Variants in LRBA observed in about 807,000 individuals in gnomAD.
LRBA encodes LPS responsive beige-like anchor protein, also known as lipopolysaccharide-responsive and beige-like anchor protein.
In LRBA, 176 loss-of-function variants were observed where a neutral mutation model predicts 330.0. The ratio of observed to expected loss-of-function variants is 0.53; its 90% confidence interval spans 0.47 to 0.60. The LOEUF (loss-of-function observed/expected upper bound fraction) is 0.60, where lower values mean the gene tolerates loss of function less well. Ranked by LOEUF, LRBA falls within the 20% of genes least tolerant of loss-of-function variation. The pLI is 0.00. For missense variants in LRBA, 3,259 were observed against 3,444.8 expected (o/e 0.95, Z 1.35); for synonymous variants, 1,230 against 1,193.0 (o/e 1.03, Z -0.64).
intron 40 of LRBA, 144 bp from the exon 41 acceptor site, chr4:150,491,179 G>A (rs1758897668): frequency 7.3e-6 from 3 of 411,636 alleles, no homozygotes; most frequent in East Asian, 7.1e-5. Flanking sequence ...ATAATTTGGA[G>A]ATGAAGAAAA....
At chr4:150,753,160 A>ACTGT (rs1232357906) in intron 35 of LRBA, among the ~76,000 whole-genome samples, 1 of 152,152 alleles carries the variant, frequency 6.6e-6, no homozygotes, top group Non-Finnish European at 1.5e-5. Flanking sequence ...TCTGTATCCG[A>ACTGT]CTGTACCTAT....
intron 46 of LRBA, among the ~76,000 whole-genome samples, chr4:150,422,209 G>A (rs1018304971): frequency 1.3e-5 from 2 of 152,108 alleles, no homozygotes; most frequent in Non-Finnish European, 2.9e-5. Context: ...GCAGTGAGCC[G>A]AGTTCATGCC....
At chr4:150,269,076 T>TA (rs1745733933) in intron 56 of LRBA, among the ~76,000 whole-genome samples, 1 of 152,150 alleles carries the variant, frequency 6.6e-6, no homozygotes, top group Non-Finnish European at 1.5e-5. Flanking sequence ...TGCATTTTTA[T>TA]ACACTAACAA....
At position 150,543,079 on chromosome 4, in the gene LRBA, C is replaced by T. The variant is rs1197896054; in HGVS notation, c.6330+44969G>A. 5.3e-5 allele frequency among the ~76,000 whole-genome samples: 8 copies of T among 152,288 alleles called. No individual in the cohort carries two copies. In the East Asian group the frequency reaches 1.5e-3, roughly 29 times the overall value. On this transcript the variant is annotated intron_variant, in intron 40 of 56. Coordinates refer to ENST00000651943, the MANE Select transcript of LRBA (RefSeq NM_001364905.1). Reference sequence around the variant, plus strand: ...ATATTTATTAACTCAAGGGGCTTTGCTAATTATGTAAATGTCTATCTTTTC... The same window carrying T: ...ATATTTATTAACTCAAGGGGCTTTGTTAATTATGTAAATGTCTATCTTTTC...
intron 37 of LRBA, among the ~76,000 whole-genome samples, chr4:150,602,263 C>T (rs146691394): frequency 6.6e-6 from 1 of 152,202 alleles, no homozygotes; most frequent in East Asian, 1.9e-4. Flanking sequence ...TCATATAAAG[C>T]ACTGCTCCAG....
At chr4:150,775,805 G>GAAA (rs35161747) in intron 34 of LRBA, among the ~76,000 whole-genome samples, 46 of 59,926 alleles carry the variant, frequency 7.7e-4, no homozygotes, top group East Asian at 9.7e-4. Flanking sequence ...AAGAAAGAAT[G>GAAA]AAAAAAAAAA....
chr4:150,667,439 TA>T (rs1364484682), intron 37 of LRBA, among the ~76,000 whole-genome samples: 1 of 152,154 alleles, frequency 6.6e-6, no homozygotes, highest in Admixed American at 6.5e-5. Context: ...GCTATGCTGC[TA>T]GTTTTGAAGA....
chr4:150,396,480 T>TCACACACACACACACACA lies in LRBA; in HGVS notation c.7194+18940_7194+18957dup, dbSNP rs10641158. On this transcript the variant is annotated intron_variant, in intron 47 of 56. Transcript: ENST00000651943. The stretch of plus-strand genomic sequence containing the variant: ...GCCAATTCCCATAATAAATCTCATC[T>TCACACACACACACACACA]CACACACACACACACACACACACAC... Among the ~76,000 whole-genome samples, 460 of 145,850 alleles carry TCACACACACACACACACA rather than the reference T, an allele frequency of 3.2e-3. 2 individuals carry two copies. The highest frequency in any genetic ancestry group is 0.014 in the Middle Eastern group (4 of 288).
In LRBA at chr4:150,596,410, T is replaced by A. The variant is rs186769316; in HGVS notation, c.6046+2597A>T. 4.1e-3 allele frequency among the ~76,000 whole-genome samples: 622 copies of A among 152,042 alleles called. 9 individuals are homozygous for A. The highest frequency in any genetic ancestry group is 2.4e-3 in the Non-Finnish European group (164 of 67,836). On this transcript the variant is annotated intron_variant, in intron 38 of 56. Coordinates refer to ENST00000651943, the MANE Select transcript of LRBA (RefSeq NM_001364905.1). Reference sequence around the variant, plus strand: ...CTCCAATGGCACTTCTATTTAGATGTCTTCCTTTGATAATGATAATATAGT... The same window carrying A: ...CTCCAATGGCACTTCTATTTAGATGACTTCCTTTGATAATGATAATATAGT...
rs1745214066 is a variant in LRBA at position 151,014,514 on chromosome 4, G to A, written c.129C>T (p.Gly43=). 4 of 1,614,162 alleles carry A rather than the reference G, an allele frequency of 2.5e-6. No homozygotes were observed. Among genetic ancestry groups the A allele is most frequent in the South Asian group, 1.1e-5 (1 of 91,062 alleles). Residue 43 remains glycine (G), a synonymous_variant, in exon 2 of 57, where the codon GGC becomes GGT. Transcript: ENST00000651943. Reference sequence around the variant, plus strand: ...TCAACACGGCAAATTTCATTCTGATGCCCCTGATGGGGAGCCCTGGTTTCA... The same window carrying A: ...TCAACACGGCAAATTTCATTCTGATACCCCTGATGGGGAGCCCTGGTTTCA... ...LSLKPGLPIR[G]IRMKFAVLTG...
chr4:150,444,860 T>G (rs1485663330), intron 44 of LRBA, among the ~76,000 whole-genome samples: 1 of 152,224 alleles, frequency 6.6e-6, no homozygotes, highest in Non-Finnish European at 1.5e-5. Flanking sequence ...TTACTAGTGA[T>G]GTCTTCATAG....
chr4:150,643,996 AG>A (rs1430118142), intron 37 of LRBA, among the ~76,000 whole-genome samples: 1 of 151,956 alleles, frequency 6.6e-6, no homozygotes, highest in African/African-American at 2.4e-5. Context: ...ATGTAGCTAT[AG>A]ATGACCGTGT....
intron 36 of LRBA, among the ~76,000 whole-genome samples, chr4:150,731,968 T>C (rs1730516382): frequency 6.6e-6 from 1 of 152,198 alleles, no homozygotes; most frequent in South Asian, 2.1e-4. Flanking sequence ...TAAATATATA[T>C]ACCTACTATG....
intron 56 of LRBA, among the ~76,000 whole-genome samples, chr4:150,277,217 T>G (rs1342846477): frequency 7.3e-6 from 1 of 137,580 alleles, no homozygotes. Context: ...AAGTGGGAGT[T>G]GAACAAAGAG....
chr4:150,613,422 C>A (rs1775457019), intron 37 of LRBA, among the ~76,000 whole-genome samples: 5 of 152,182 alleles, frequency 3.3e-5, no homozygotes, highest in Admixed American at 1.3e-4. Context: ...AAAGGAAAAT[C>A]ATTCTTTCTG....
intron 37 of LRBA, among the ~76,000 whole-genome samples, chr4:150,616,076 C>T (rs775743997): frequency 1.3e-4 from 20 of 152,266 alleles, no homozygotes; most frequent in Admixed American, 2.6e-4. Flanking sequence ...TGGAATCTAT[C>T]CACTAAAGCA....
chr4:150,948,175 A>T (rs980008849), intron 2 of LRBA, among the ~76,000 whole-genome samples: 1 of 152,084 alleles, frequency 6.6e-6, no homozygotes, highest in African/African-American at 2.4e-5. Flanking sequence ...TACCAAAAAC[A>T]ATCTTGAAAG....
chr4:150,419,945 T>C (rs1010019556), intron 46 of LRBA, among the ~76,000 whole-genome samples: 7 of 149,106 alleles, frequency 4.7e-5, no homozygotes, highest in Admixed American at 1.3e-4. Context: ...GCCATGATAA[T>C]ATATGTCTAG....
At chr4:151,013,906 TGTTA>T (rs1745136427) in intron 2 of LRBA, 1 of 152,738 alleles carries the variant, frequency 6.5e-6, no homozygotes, top group Non-Finnish European at 1.5e-5. Flanking sequence ...ATTTAACTTT[TGTTA>T]GTTATGTCTA....
Sources: allele counts gnomAD v4.1 joint callset (sites outside exome capture counted in the v4.1 genomes callset), GRCh38; gene constraint gnomAD v4.1.1; transcripts MANE v1.5; gene names NCBI Gene and HGNC (gene_info 2026-07-23, HGNC 2026-07-21).